Variants in FHIT observed in about 807,000 individuals in gnomAD.
FHIT encodes the protein bis(5'-adenosyl)-triphosphatase.
A neutral mutation model predicts 17.9 loss-of-function variants in FHIT; 19 were observed. The observed-to-expected ratio is 1.06, with a 90% confidence interval of 0.74 to 1.56. The LOEUF is 1.56. Ranked by LOEUF, FHIT falls within the 40% of genes most tolerant of loss-of-function variation. The pLI is 0.00. For synonymous variants in FHIT, 81 were observed against 69.7 expected (o/e 1.16, Z -0.81); for missense variants, 248 against 189.2 (o/e 1.31, Z -1.82).
At chr3:60,518,190 C>G (rs2035230317) in intron 5 of FHIT, among the ~76,000 whole-genome samples, 1 of 152,088 alleles carries the variant, frequency 6.6e-6, no homozygotes, top group African/African-American at 2.4e-5. Context: ...TTAATAACAT[C>G]TTAAAGAAAC....
chr3:60,270,033 G>T (rs7636133), intron 5 of FHIT, among the ~76,000 whole-genome samples: 13,674 of 152,172 alleles, frequency 0.09, 768 homozygotes, highest in Non-Finnish European at 0.13. Context: ...GACCAAGGGG[G>T]TGTATCTGAC....
intron 8 of FHIT, among the ~76,000 whole-genome samples, chr3:59,919,044 T>C (rs1486566911): frequency 6.6e-6 from 1 of 152,064 alleles, no homozygotes; most frequent in African/African-American, 2.4e-5. Flanking sequence ...ATGAAAACAA[T>C]ATGTTTCACT....
chr3:59,968,103 C>T (rs1418338429), intron 7 of FHIT, among the ~76,000 whole-genome samples: 3 of 152,054 alleles, frequency 2.0e-5, no homozygotes, highest in African/African-American at 7.2e-5. Context: ...TGGAGGAACA[C>T]TGATGTAAAG....
chr3:60,017,353 G>T (rs139543857), intron 5 of FHIT, among the ~76,000 whole-genome samples: 1 of 147,526 alleles, frequency 6.8e-6, no homozygotes. Context: ...GATCAAAAAG[G>T]GGGGAGAGTA....
intron 5 of FHIT, among the ~76,000 whole-genome samples, chr3:60,221,590 G>A (rs1470138452): frequency 1.3e-5 from 2 of 152,134 alleles, no homozygotes; most frequent in East Asian, 1.9e-4. Flanking sequence ...TCCTTCATGC[G>A]GTGGCTGCCT....
intron 5 of FHIT, among the ~76,000 whole-genome samples, chr3:60,061,960 C>T (rs17061988): frequency 0.032 from 4,898 of 151,350 alleles, 249 homozygotes; most frequent in African/African-American, 0.11. Flanking sequence ...ATGAGAAAGA[C>T]TGACTTACTG....
chr3:61,117,036 A>T (rs1429059290), intron 2 of FHIT, among the ~76,000 whole-genome samples: 1 of 152,198 alleles, frequency 6.6e-6, no homozygotes, highest in African/African-American at 2.4e-5. Context: ...TTTACCAACT[A>T]GTTTACAGTA....
rs547281135 is a variant in FHIT at position 60,836,702 on chromosome 3, G to A, written c.-110-14691C>T. Among the ~76,000 whole-genome samples the A allele has an allele frequency of 4.6e-5, 7 of 152,262 alleles. No individual in the cohort carries two copies. In the South Asian group the frequency reaches 1.2e-3, roughly 27 times the overall value. Reference sequence around the variant, plus strand: ...GTCCAGTTAACAAGAGTGAGGTCTAGTAGAAAGAAAGTCATTTTACTAAAA... The same window carrying A: ...GTCCAGTTAACAAGAGTGAGGTCTAATAGAAAGAAAGTCATTTTACTAAAA... On this transcript the variant is annotated intron_variant, in intron 3 of 9. Transcript: ENST00000492590.
intron 5 of FHIT, among the ~76,000 whole-genome samples, chr3:60,529,111 A>ACC (rs2035678134): frequency 6.6e-6 from 1 of 152,216 alleles, no homozygotes; most frequent in Non-Finnish European, 1.5e-5. Flanking sequence ...AGAGGTTTTT[A>ACC]AGGATAAGTC....
intron 5 of FHIT, among the ~76,000 whole-genome samples, chr3:60,132,238 G>A (rs1264041985): frequency 1.3e-5 from 2 of 151,960 alleles, no homozygotes; most frequent in Non-Finnish European, 2.9e-5. Context: ...CCATCTCCAC[G>A]TGTGTGTGTG....
intron 5 of FHIT, among the ~76,000 whole-genome samples, chr3:60,252,696 T>TA (rs1559763238): frequency 1.3e-5 from 2 of 151,498 alleles, no homozygotes; most frequent in East Asian, 1.9e-4. Context: ...AAACAGATAA[T>TA]AAAAAAAGAC....
intron 8 of FHIT, among the ~76,000 whole-genome samples, chr3:59,838,433 G>A (rs192930573): frequency 2.6e-5 from 4 of 152,290 alleles, no homozygotes; most frequent in South Asian, 2.1e-4. Context: ...TGTTCCTGCT[G>A]TTCTTCCCAC....
chr3:59,962,734 T>C (rs1325996894), intron 7 of FHIT, among the ~76,000 whole-genome samples: 3 of 152,202 alleles, frequency 2.0e-5, no homozygotes, highest in Non-Finnish European at 2.9e-5. Context: ...CTTGGTGCAA[T>C]TTAAATATTA....
chr3:61,070,450 A>G (rs887502152), intron 2 of FHIT, among the ~76,000 whole-genome samples: 1 of 152,282 alleles, frequency 6.6e-6, no homozygotes, highest in Non-Finnish European at 1.5e-5. Context: ...CATGGCAGTG[A>G]AAATCACTCA....
At chr3:60,704,326 T>C (rs1201458862) in intron 4 of FHIT, among the ~76,000 whole-genome samples, 6 of 152,138 alleles carry the variant, frequency 3.9e-5, no homozygotes, top group Non-Finnish European at 8.8e-5. Context: ...TGAGCTACAA[T>C]AAAGCTTCTA....
intron 2 of FHIT, among the ~76,000 whole-genome samples, chr3:61,109,641 A>G (rs2036094657): frequency 6.6e-6 from 1 of 152,084 alleles, no homozygotes; most frequent in African/African-American, 2.4e-5. Context: ...TCCCCACTGA[A>G]GTTGATAGGT....
intron 5 of FHIT, among the ~76,000 whole-genome samples, chr3:60,233,430 C>T (rs1704604782): frequency 2.0e-5 from 3 of 152,128 alleles, no homozygotes; most frequent in African/African-American, 7.2e-5. Flanking sequence ...CAGATGTGCC[C>T]AGTGTTGGGC....
At chr3:61,098,680 T>C (rs2035719941) in intron 2 of FHIT, among the ~76,000 whole-genome samples, 2 of 152,216 alleles carry the variant, frequency 1.3e-5, no homozygotes, top group Non-Finnish European at 2.9e-5. Context: ...CCTAGTTTGC[T>C]GGATTCCTAG....
At chr3:60,527,205 T>A (rs578163812) in intron 5 of FHIT, among the ~76,000 whole-genome samples, 1 of 152,316 alleles carries the variant, frequency 6.6e-6, no homozygotes, top group African/African-American at 2.4e-5. Context: ...CTAGAGTCAT[T>A]TGGTCCCTAA....
Sources: gnomAD v4.1 joint callset for allele counts (sites outside exome capture counted in the v4.1 genomes callset) on GRCh38, gnomAD v4.1.1 for gene constraint, MANE v1.5 for transcripts, NCBI Gene and HGNC (gene_info 2026-07-23, HGNC 2026-07-21) for gene names.